Variants in ACOT11 observed in about 807,000 individuals in gnomAD.
ACOT11 encodes the protein acyl-coenzyme A thioesterase 11.
ACOT11 carries 69 observed loss-of-function variants against 77.5 expected under a neutral mutation model. That is an observed-to-expected ratio of 0.89 (90% confidence interval 0.73 to 1.09). The LOEUF (loss-of-function observed/expected upper bound fraction) is 1.09, where lower values mean the gene tolerates loss of function less well. Among genes scored for constraint, ACOT11 ranks in the 50% least tolerant of loss-of-function variants. The probability of loss-of-function intolerance (pLI) is 0.00; values close to 1 mark genes in which losing one functional copy is unlikely to be tolerated. For missense variants in ACOT11, 766 were observed against 813.7 expected, an observed-to-expected ratio of 0.94 and a Z score of 0.71; for synonymous variants, 279 against 313.0, an observed-to-expected ratio of 0.89 and a Z score of 1.15.
chr1:54,554,126 TTATTGCATTTCAGCCTGGG>T (rs1653166414), intron 1 of ACOT11, among the ~76,000 whole-genome samples: 1 of 151,594 alleles, frequency 6.6e-6, no homozygotes, highest in South Asian at 2.1e-4. Context: ...TGAGCTGAAG[TTATTGCATTTCAGCCTGGG>T]CAACAGAGCC....
At chr1:54,567,499 G>A (rs912240186) in intron 1 of ACOT11, among the ~76,000 whole-genome samples, 1 of 151,892 alleles carries the variant, frequency 6.6e-6, no homozygotes, top group African/African-American at 2.4e-5. Context: ...GGCTGGTCTT[G>A]GACTCCGGAC....
Position 54,594,041 on chromosome 1 carries a change from T to C in ACOT11, c.471+2T>C, listed in dbSNP as rs1204196858. On this transcript the variant is annotated splice_donor_variant, in intron 5 of 15. Coordinates refer to ENST00000343744, the MANE Select transcript of ACOT11 (RefSeq NM_147161.4). LOFTEE classifies it high-confidence loss of function. The stretch of plus-strand genomic sequence containing the variant: ...GTGGCCCGCCGAGAGATCACCAAGG[T>C]AACTGGGTGCGCCTGGCTGCTGGAA... 1.9e-6 allele frequency: 3 copies of C among 1,611,556 alleles called. No individual in the cohort carries two copies. Among genetic ancestry groups the C allele is most frequent in the Non-Finnish European group, 2.5e-6 (3 of 1,179,006 alleles).
chr1:54,594,808 G>A, intron 6 of ACOT11, 117 bp downstream of exon 6: 3 of 1,422,306 alleles, frequency 2.1e-6, no homozygotes, highest in Non-Finnish European at 2.8e-6. Flanking sequence ...CCACCCACTG[G>A]TGGCCCTGGG....
Position 54,597,396 on chromosome 1 carries a change from G to A in ACOT11, c.745G>A (p.Val249Met), listed in dbSNP as rs1410478241. The change falls in exon 7 of 16, where the codon GTG becomes ATG. Residue 249 changes from valine (V) to methionine (M), a missense_variant. By Grantham distance (21) the Val-to-Met change is conservative (BLOSUM62 1). Transcript: ENST00000343744. ...CCAGATCATGGCCTGGATGGAGAAT[G>A]TGGCCACCATTGCAGCCAGGTGAGG... The part of the protein sequence containing the change: ...GGQIMAWMEN[V>M]ATIAASRLCR... 1.2e-6 allele frequency: 2 copies of A among 1,613,178 alleles called. No homozygotes were observed. The highest frequency in any genetic ancestry group is 2.7e-5 in the African/African-American group (2 of 75,050).
chr1:54,588,013 G>A (rs1654567918), intron 3 of ACOT11, among the ~76,000 whole-genome samples: 1 of 152,114 alleles, frequency 6.6e-6, no homozygotes, highest in Non-Finnish European at 1.5e-5. Flanking sequence ...AGGAGTTTGA[G>A]ACTAGCTGGG....
rs1557667118 is a variant in ACOT11, at chr1:54,608,988, T to C, written c.1661T>C (p.Val554Ala). The change falls in exon 16 of 16, where the codon GTT becomes GCT. Residue 554 changes from valine (V) to alanine (A), a missense_variant. Physicochemically the swap from Val to Ala is moderately conservative, Grantham distance 64. Transcript: ENST00000343744. ...TACTACAACCAGGCCACCCCAGGTG[T>C]TCTCAACTATGTGACCACCAACGTG... is the stretch of plus-strand genomic sequence containing the variant. Reference protein sequence around the residue: ...VSYYNQATPGVLNYVTTNVAG... With the variant: ...VSYYNQATPGALNYVTTNVAG... 6.2e-7 allele frequency: 1 copy of C among 1,613,730 alleles called. No individual in the cohort carries two copies.
intron 1 of ACOT11, among the ~76,000 whole-genome samples, chr1:54,565,764 C>T (rs190463466): frequency 6.6e-6 from 1 of 152,296 alleles, no homozygotes; most frequent in Non-Finnish European, 1.5e-5. Flanking sequence ...AGTAGGATCC[C>T]TCCTACTGGA....
At chr1:54,599,242 A>C (rs1643934915) in intron 7 of ACOT11, 54 bp from the exon 8 acceptor site, 1 of 1,185,336 alleles carries the variant, frequency 8.4e-7, no homozygotes, top group Non-Finnish European at 1.1e-6. Context: ...GGCCCAAACT[A>C]GTGGCTGAAG....
chr1:54,576,491 T>TAAA (rs71581820), intron 1 of ACOT11, among the ~76,000 whole-genome samples: 8 of 68,348 alleles, frequency 1.2e-4, no homozygotes, highest in Admixed American at 7.0e-4. Flanking sequence ...GAGCAAGATC[T>TAAA]AAAAAAAAAA....
intron 8 of ACOT11, 127 bp from the exon 9 acceptor site, chr1:54,601,142 T>C (rs1569752259): frequency 2.0e-6 from 2 of 982,682 alleles, no homozygotes. Context: ...TGTGCATACG[T>C]GTGTGTGTGT....
rs779474654 is a variant in ACOT11, at chr1:54,599,322, TG to T, written c.792del (p.Lys265ArgfsTer24). 1.2e-6 allele frequency: 2 copies of T among 1,605,352 alleles called. No individual in the cohort carries two copies. The highest frequency in any genetic ancestry group is 3.4e-5 in the Admixed American group (2 of 59,530). On this transcript the variant is annotated frameshift_variant, in exon 8 of 16. Coordinates refer to ENST00000343744, the MANE Select transcript of ACOT11 (RefSeq NM_147161.4). LOFTEE classifies it high-confidence loss of function. ...ASRLCRAHPT[L>X]KAIEMFHFRG... ...CGGCTCTGCCGTGCCCACCCTACGC[TG>T]AAGGCCATTGAAATGTTCCACTTCC...
chr1:54,605,252 C>T, intron 13 of ACOT11, 43 bp downstream of exon 13: 2 of 1,598,398 alleles, frequency 1.3e-6, no homozygotes, highest in South Asian at 1.1e-5. Context: ...CCTTCTCCGG[C>T]CTGATGAGGG....
chr1:54,573,367 C>A, intron 1 of ACOT11: 2 of 362,646 alleles, frequency 5.5e-6, no homozygotes, highest in Non-Finnish European at 7.7e-6. Flanking sequence ...GTTTCCCCAT[C>A]TGTAAAATGG....
At chr1:54,563,136 C>T (rs978530152) in intron 1 of ACOT11, among the ~76,000 whole-genome samples, 69 of 152,320 alleles carry the variant, frequency 4.5e-4, no homozygotes, top group Non-Finnish European at 1.2e-4. Context: ...GCTGGCGCGG[C>T]GGCAAAGACT....
chr1:54,623,458 A>G, intron 15 of ACOT11: 5 of 1,284,414 alleles, frequency 3.9e-6, no homozygotes, highest in Non-Finnish European at 5.6e-6. Flanking sequence ...GGCTCCCTGC[A>G]GCTGGAATCC....
At chr1:54,612,076 G>C (rs1178219733), downstream of ACOT11, among the ~76,000 whole-genome samples, 1 of 150,750 alleles carries the variant, frequency 6.6e-6, no homozygotes, top group Non-Finnish European at 1.5e-5. Flanking sequence ...AAGAGGGGGA[G>C]GGGGCAGCTT....
chr1:54,625,965 AAAAAG>A (rs139503295), intron 15 of ACOT11, among the ~76,000 whole-genome samples: 2,105 of 146,428 alleles, frequency 0.014, 44 homozygotes, highest in East Asian at 0.037. Context: ...AAAGAAAGAA[AAAAAG>A]AAAAGAAAAG....
chr1:54,622,275 C>CAAA (rs34730286), intron 15 of ACOT11, among the ~76,000 whole-genome samples: 1,164 of 45,918 alleles, frequency 0.025, 30 homozygotes, highest in Non-Finnish European at 0.04. Context: ...GACTCTGTCT[C>CAAA]AAAAAAAAAA....
intron 1 of ACOT11, among the ~76,000 whole-genome samples, chr1:54,581,303 C>G (rs1654296961): frequency 6.6e-6 from 1 of 152,180 alleles, no homozygotes; most frequent in Non-Finnish European, 1.5e-5. Flanking sequence ...CAAGGTGAAG[C>G]CTTGGGCCTG....
Sources: allele counts gnomAD v4.1 joint callset (sites outside exome capture counted in the v4.1 genomes callset), GRCh38; gene constraint gnomAD v4.1.1; transcripts MANE v1.5; gene names NCBI Gene and HGNC (gene_info 2026-07-23, HGNC 2026-07-21).